The following LRP2 variants were observed in gnomAD, a reference collection of about 807,000 sequenced individuals.
LRP2 encodes low-density lipoprotein receptor-related protein 2.
A neutral mutation model predicts 531.0 loss-of-function variants in LRP2; 172 were observed. That is an observed-to-expected ratio of 0.32 (90% confidence interval 0.29 to 0.37). LRP2 has a LOEUF of 0.37. Ranked by LOEUF, LRP2 falls within the 10% of genes least tolerant of loss-of-function variation. LRP2 has a pLI of 1.00. For missense variants in LRP2, 5,167 were observed against 5,868.3 expected, an observed-to-expected ratio of 0.88 and a Z score of 3.90; for synonymous variants, 1,992 against 2,027.6, an observed-to-expected ratio of 0.98 and a Z score of 0.47.
chr2:169,290,264 CTTTTTTTT>C (rs11463198), intron 8 of LRP2, among the ~76,000 whole-genome samples: 7 of 56,932 alleles, frequency 1.2e-4, no homozygotes, highest in African/African-American at 5.2e-4. Context: ...GAACCAGAAG[CTTTTTTTT>C]TTTTTTTTTT....
At chr2:169,277,593 T>C (rs907308709) in intron 13 of LRP2, 152 bp downstream of exon 13, 1 of 725,880 alleles carries the variant, frequency 1.4e-6, no homozygotes, top group Admixed American at 2.3e-5. Context: ...AGCAGGTCAC[T>C]TCATGCAAAT....
At chr2:169,268,984 GA>G (rs1407706457) in intron 16 of LRP2, among the ~76,000 whole-genome samples, 2 of 152,100 alleles carry the variant, frequency 1.3e-5, no homozygotes, top group Non-Finnish European at 1.5e-5. Context: ...GCCAAATCAT[GA>G]GTGAACTCCC....
Position 169,362,528 on chromosome 2 carries a change from A to AG in LRP2, c.-130_-129insC. ...CACCTCCGCCAGCTCCTAGTGGCCA[A>AG]AAGCCTGCCCCCACGCCCGAGGCAT... On this transcript the variant is annotated 5_prime_UTR_variant, in exon 1 of 79. Coordinates refer to ENST00000649046, the MANE Select transcript of LRP2 (RefSeq NM_004525.3). 1.2e-6 allele frequency: 1 copy of AG among 820,364 alleles called. No individual in the cohort carries two copies. The highest frequency in any genetic ancestry group is 2.0e-6 in the Non-Finnish European group (1 of 500,900). 50.8% of individuals were successfully genotyped at this position (820,364 alleles called of 1,614,324 possible).
chr2:169,134,898 T>C (rs1685440582), intron 76 of LRP2, among the ~76,000 whole-genome samples: 1 of 152,178 alleles, frequency 6.6e-6, no homozygotes, highest in Non-Finnish European at 1.5e-5. Flanking sequence ...CTCAGGACAA[T>C]GCTTATGCTG....
At position 169,256,121 on chromosome 2, in the gene LRP2, G is replaced by A; in HGVS notation, c.2755C>T (p.Leu919Phe). 1.2e-6 allele frequency: 2 copies of A among 1,612,894 alleles called. No homozygotes were observed. The highest frequency in any genetic ancestry group is 1.7e-6 in the Non-Finnish European group (2 of 1,179,144). The change falls in exon 19 of 79, where the codon CTT (leucine) becomes TTT (phenylalanine). Residue 919 changes from leucine (L) to phenylalanine (F), a missense_variant. Physicochemically the swap from Leu to Phe is conservative, Grantham distance 22. Transcript: ENST00000649046. ...TAAAACATACCTCCAAAGATGGCAA[G>A]TCCAAACGGATGTGTCATCTGCTCT... ...HIEQMTHPFG[L>F]AIFGEHLFFT...
chr2:169,244,860 T>C lies in LRP2; in HGVS notation c.3263A>G (p.Lys1088Arg). The change falls in exon 22 of 79, where the codon AAA becomes AGA. Residue 1088 changes from lysine (K) to arginine (R), a missense_variant. By Grantham distance (26) the Lys-to-Arg change is conservative (BLOSUM62 2). Coordinates refer to ENST00000649046, the MANE Select transcript of LRP2 (RefSeq NM_004525.3). ...ECIPAHWRCD[K>R]RNDCVDGSDE... Reference sequence around the variant, plus strand: ...ACTGCCATCCACACAGTCGTTGCGTTTGTCACAGCGCCAGTGTGCAGGAAT... The same window carrying C: ...ACTGCCATCCACACAGTCGTTGCGTCTGTCACAGCGCCAGTGTGCAGGAAT... 2.5e-6 allele frequency: 4 copies of C among 1,614,234 alleles called. No homozygotes were observed. The highest frequency in any genetic ancestry group is 2.2e-5 in the East Asian group (1 of 44,892).
At chr2:169,320,710 A>T in intron 2 of LRP2, 67 bp downstream of exon 2, 1 of 1,300,902 alleles carries the variant, frequency 7.7e-7, no homozygotes, top group Non-Finnish European at 1.1e-6. Context: ...TCTTTGTTAC[A>T]GCTGAAATCA....
chr2:169,282,903 G>A lies in LRP2; in HGVS notation c.1141C>T (p.Arg381Cys), dbSNP rs1683744773. The A allele has an allele frequency of 1.9e-6, 3 of 1,613,924 alleles. No individual in the cohort carries two copies. Among genetic ancestry groups the A allele is most frequent in the Non-Finnish European group, 2.5e-6 (3 of 1,179,852 alleles). Residue 381 changes from arginine (R) to cysteine (C), a missense_variant, in exon 10 of 79, where the codon CGT becomes TGT. Physicochemically the swap from Arg to Cys is radical, Grantham distance 180. Transcript: ENST00000649046. ...CHCEEGYILE[R>C]GQYCKANDSF... ...TCATTAGCTTTGCAATACTGTCCAC[G>A]CTCCAAGATATACCCTTCTTCACAG...
intron 1 of LRP2, among the ~76,000 whole-genome samples, chr2:169,337,466 C>T (rs1220263853): frequency 6.6e-6 from 1 of 152,148 alleles, no homozygotes; most frequent in Admixed American, 6.5e-5. Flanking sequence ...AGCCCAAATA[C>T]AGTCAAAGGG....
Position 169,196,969 on chromosome 2 carries a change from A to G in LRP2, c.8640T>C (p.His2880=), listed in dbSNP as rs751016110. 1.9e-6 allele frequency: 3 copies of G among 1,614,162 alleles called. No homozygotes were observed. Among genetic ancestry groups the G allele is most frequent in the African/African-American group, 1.3e-5 (1 of 75,072 alleles). ...AATCTGTTTCTTGATCACAATACCA[A>G]TGTTGAGGAATACAGCGCCCAGATG... The part of the protein sequence containing the change: ...QCASGRCIPQ[H]WYCDQETDCF... The change falls in exon 46 of 79, where the codon CAT becomes CAC. Residue 2880 remains histidine, a synonymous_variant. Transcript: ENST00000649046.
Position 169,272,954 on chromosome 2 carries a change from G to T in LRP2, c.2089C>A (p.Leu697Met), listed in dbSNP as rs1356843031. The T allele has an allele frequency of 6.2e-7, 1 of 1,613,754 alleles. No individual in the cohort carries two copies. Among genetic ancestry groups the T allele is most frequent in the Admixed American group, 1.7e-5 (1 of 59,978 alleles). The change falls in exon 15 of 79, where the codon CTG (leucine) becomes ATG (methionine). Residue 697 changes from leucine to methionine, a missense_variant. Transcript: ENST00000649046. The stretch of plus-strand genomic sequence containing the variant: ...ATGCAGTGGCGCTCATCTGTATCCA[G>T]TTGGAAGCCGAATGTGCACTTGCAA... The part of the protein sequence containing the change: ...FRCKCTFGFQ[L>M]DTDERHCIAV...
intron 50 of LRP2, 111 bp from the exon 51 acceptor site, chr2:169,182,430 A>G: frequency 6.3e-7 from 1 of 1,589,008 alleles, no homozygotes; most frequent in Non-Finnish European, 8.5e-7. Context: ...AGTTGTTAGA[A>G]GTCACCTTTC....
chr2:169,307,373 T>C lies in LRP2; in HGVS notation c.335A>G (p.Gln112Arg), dbSNP rs769445177. The C allele has an allele frequency of 3.7e-6, 6 of 1,612,676 alleles. No homozygotes were observed. In the East Asian group the frequency reaches 1.1e-4, roughly 30 times the overall value. Reference sequence around the variant, plus strand: ...ACACTGACCATTGGAGCATGTTATCTGATGACTTGAGCATGTACTTTGTGC... The same window carrying C: ...ACACTGACCATTGGAGCATGTTATCCGATGACTTGAGCATGTACTTTGTGC... ...DCSQSTCSSHQITCSNGQCIP... is the reference protein window; with the variant it reads ...DCSQSTCSSHRITCSNGQCIP... The change falls in exon 4 of 79, where the codon CAG (glutamine) becomes CGG (arginine). Residue 112 changes from glutamine (Q) to arginine (R), a missense_variant. Gln to Arg is a conservative substitution (Grantham distance 43). This residue lies in a region of LRP2 where 2,811 missense variants were observed against 3,058.0 expected (regional missense o/e 0.92). Coordinates refer to ENST00000649046, the MANE Select transcript of LRP2 (RefSeq NM_004525.3).
rs143822500 is a variant in LRP2, at chr2:169,257,164, T to C, written c.2599A>G (p.Thr867Ala). The change falls in exon 18 of 79, where the codon ACT becomes GCT. Residue 867 changes from threonine (T) to alanine (A), a missense_variant. Physicochemically the swap from Thr to Ala is moderately conservative, Grantham distance 58 (BLOSUM62 0). This residue lies in a region of LRP2 where 2,811 missense variants were observed against 3,058.0 expected (regional missense o/e 0.92). Coordinates refer to ENST00000649046, the MANE Select transcript of LRP2 (RefSeq NM_004525.3). ...DGSHLLPVIN[T>A]TLGWPNGLAI... The stretch of plus-strand genomic sequence containing the variant: ...AAGCCATTGGGCCATCCAAGAGTAG[T>C]GTTTATTACAGGCAAGAGGTGAGAT... 1.0e-4 allele frequency: 169 copies of C among 1,612,958 alleles called. No homozygotes were observed. In the East Asian group the frequency reaches 3.7e-3, roughly 35 times the overall value.
rs535592268 is a variant in LRP2 at position 169,276,901 on chromosome 2, T to A, written c.1772+844A>T. ...ATCAGAGTAAAAAGATGAAAAAAAA[T>A]ATGCCATATTCAGCCAGGTGTAGTG... On this transcript the variant is annotated intron_variant, in intron 13 of 78. Transcript: ENST00000649046. Among the ~76,000 whole-genome samples, 8 of 151,994 alleles carry A rather than the reference T, an allele frequency of 5.3e-5. No homozygotes were observed. In the East Asian group the frequency reaches 1.5e-3, roughly 29 times the overall value.
chr2:169,173,167 C>A lies in LRP2; in HGVS notation c.11072G>T (p.Arg3691Leu). ...FTEFSCKTNY[R>L]CIPKWAVCNG... is the part of the protein sequence containing the mutation. ...GCACACGGCCCACTTTGGGATGCAG[C>A]GGTAATTTGTTTTGCAGCTGAATTC... is the stretch of plus-strand genomic sequence containing the variant. Residue 3691 changes from arginine (R) to leucine (L), a missense_variant, in exon 57 of 79, where the codon CGC becomes CTC. This residue lies in a region of LRP2 where 311 missense variants were observed against 309.4 expected (regional missense o/e 1.01). Coordinates refer to ENST00000649046, the MANE Select transcript of LRP2 (RefSeq NM_004525.3). 1.2e-6 allele frequency: 2 copies of A among 1,614,102 alleles called. No individual in the cohort carries two copies. The highest frequency in any genetic ancestry group is 1.7e-6 in the Non-Finnish European group (2 of 1,180,028).
At chr2:169,190,765 T>C (rs1323815420) in intron 48 of LRP2, among the ~76,000 whole-genome samples, 1 of 152,256 alleles carries the variant, frequency 6.6e-6, no homozygotes, top group East Asian at 1.9e-4. Context: ...GAAGTCCTAC[T>C]ATGTCAAACT....
chr2:169,189,312 A>G (rs561112110), intron 48 of LRP2, among the ~76,000 whole-genome samples: 6 of 152,340 alleles, frequency 3.9e-5, no homozygotes, highest in Middle Eastern at 3.4e-3. Flanking sequence ...ACTGCCATCC[A>G]TAAACCCAGG....
intron 18 of LRP2, among the ~76,000 whole-genome samples, chr2:169,256,606 T>A (rs1003024187): frequency 2.0e-5 from 3 of 152,156 alleles, no homozygotes; most frequent in African/African-American, 7.2e-5. Context: ...TTCATCTTTA[T>A]AAGCTTATTT....
Sources: allele counts gnomAD v4.1 joint callset (sites outside exome capture counted in the v4.1 genomes callset), GRCh38; gene constraint gnomAD v4.1.1; regional missense constraint gnomAD v4.1.1; transcripts MANE v1.5; gene names NCBI Gene and HGNC (gene_info 2026-07-23, HGNC 2026-07-21).